The following CDK13 variants were observed in gnomAD, a reference collection of about 807,000 sequenced individuals.
The protein encoded by CDK13 is cyclin-dependent kinase 13.
CDK13 carries 40 observed loss-of-function variants against 137.6 expected under a neutral mutation model. That is an observed-to-expected ratio of 0.29 (90% CI 0.23 to 0.38). CDK13 has a LOEUF of 0.38. Among genes scored for constraint, CDK13 ranks in the 10% least tolerant of loss-of-function variants. CDK13 has a pLI of 1.00. For synonymous variants in CDK13, 869 were observed against 760.1 expected, an observed-to-expected ratio of 1.14 and a Z score of -2.36; for missense variants, 1,704 against 1,951.8, an observed-to-expected ratio of 0.87 and a Z score of 2.39.
intron 1 of CDK13, among the ~76,000 whole-genome samples, chr7:39,979,506 A>G (rs1784180368): frequency 6.6e-6 from 1 of 152,046 alleles, no homozygotes; most frequent in South Asian, 2.1e-4. Flanking sequence ...CTGAGCCACC[A>G]CACGTGGCCA....
intron 7 of CDK13, chr7:40,059,321 A>C (rs1786089126): frequency 6.6e-6 from 1 of 152,536 alleles, no homozygotes; most frequent in African/African-American, 2.4e-5. Flanking sequence ...CCTGCCCTCC[A>C]TCTCTGGAAT....
chr7:39,977,150 C>T (rs981035239), intron 1 of CDK13, among the ~76,000 whole-genome samples: 5 of 152,008 alleles, frequency 3.3e-5, no homozygotes, highest in Non-Finnish European at 5.9e-5. Flanking sequence ...ATGGATAAGC[C>T]TTGAATAGAA....
At chr7:40,005,611 AT>A (rs1784783060) in intron 5 of CDK13, among the ~76,000 whole-genome samples, 2 of 152,112 alleles carry the variant, frequency 1.3e-5, no homozygotes, top group Non-Finnish European at 2.9e-5. Context: ...GTGAAATTTT[AT>A]TGCGTCTTAA....
intron 1 of CDK13, among the ~76,000 whole-genome samples, chr7:39,969,384 C>T (rs1403174176): frequency 2.6e-5 from 4 of 152,206 alleles, no homozygotes; most frequent in Non-Finnish European, 4.4e-5. Flanking sequence ...ACCTTTAGAA[C>T]TGAGATCACT....
intron 10 of CDK13, 110 bp from the exon 11 acceptor site, chr7:40,078,610 A>G: frequency 2.0e-6 from 1 of 506,868 alleles, no homozygotes; most frequent in South Asian, 6.7e-5. Context: ...TTATTTTTAA[A>G]TGATCTTAGT....
At chr7:40,071,338 A>G (rs866884310) in intron 9 of CDK13, 1 of 152,198 alleles carries the variant, frequency 6.6e-6, no homozygotes, top group African/African-American at 2.4e-5. Context: ...TATAACGTCT[A>G]TAGTTTCTAA....
chr7:39,979,156 C>A (rs1784169844), intron 1 of CDK13, among the ~76,000 whole-genome samples: 1 of 151,260 alleles, frequency 6.6e-6, no homozygotes, highest in Non-Finnish European at 1.5e-5. Context: ...ATGGAGCAGA[C>A]ACAGACTAGT....
chr7:40,074,653 T>G (rs1260744320), intron 9 of CDK13, among the ~76,000 whole-genome samples: 1 of 151,820 alleles, frequency 6.6e-6, no homozygotes, highest in Non-Finnish European at 1.5e-5. Flanking sequence ...GGCTAGGAGT[T>G]TGAGGCCAGC....
intron 5 of CDK13, among the ~76,000 whole-genome samples, chr7:40,014,389 T>G (rs1784960643): frequency 6.6e-6 from 1 of 151,486 alleles, no homozygotes; most frequent in South Asian, 2.1e-4. Context: ...TTAATACACA[T>G]TTTTTAATTT....
chr7:40,031,344 A>G (rs1785373611), intron 5 of CDK13, among the ~76,000 whole-genome samples: 1 of 152,110 alleles, frequency 6.6e-6, no homozygotes, highest in Admixed American at 6.5e-5. Flanking sequence ...CAACATGGTG[A>G]AACCTGGTCA....
chr7:40,003,153 TACACACACACACACACAC>T lies in CDK13; in HGVS notation c.2353+1159_2353+1176del, dbSNP rs71560157. 7.1e-3 allele frequency among the ~76,000 whole-genome samples: 848 copies of T among 119,966 alleles called. 4 individuals carry two copies. Among genetic ancestry groups the T allele is most frequent in the Non-Finnish European group, 9.2e-3 (554 of 60,110 alleles). 78.7% of individuals were successfully genotyped at this position (119,966 alleles called of 152,430 possible). ...TACTTAGACTCCTGTCTTCCCCAGC[TACACACACACACACACAC>T]ACACACACACACACACACACACACA... On this transcript the variant is annotated intron_variant, in intron 5 of 13. Transcript: ENST00000181839.
At chr7:40,021,800 A>T (rs867694375) in intron 5 of CDK13, among the ~76,000 whole-genome samples, 1 of 151,822 alleles carries the variant, frequency 6.6e-6, no homozygotes, top group Non-Finnish European at 1.5e-5. Flanking sequence ...AATTTTTGTC[A>T]TGCACTAAAT....
chr7:40,014,454 T>C lies in CDK13; in HGVS notation c.2353+12423T>C, dbSNP rs59131279. On this transcript the variant is annotated intron_variant, in intron 5 of 13. Coordinates refer to ENST00000181839, the MANE Select transcript of CDK13 (RefSeq NM_003718.5). ...AGAGGCCATGTGTATTTCTCTCTCT[T>C]TTTTTTTTTTTTTTTTTGAGATGGC... Among the ~76,000 whole-genome samples the C allele has an allele frequency of 7.3e-3, 632 of 86,516 alleles. 2 individuals carry two copies. Among genetic ancestry groups the C allele is most frequent in the Middle Eastern group, 0.027 (5 of 182 alleles). 56.8% of individuals were successfully genotyped at this position (86,516 alleles called of 152,430 possible).
chr7:39,963,583 G>T (rs546372809), intron 1 of CDK13, among the ~76,000 whole-genome samples: 1 of 152,198 alleles, frequency 6.6e-6, no homozygotes, highest in Non-Finnish European at 1.5e-5. Flanking sequence ...GGGACAATTT[G>T]ACTTTCTCTT....
chr7:39,987,458 A>G (rs945742227), intron 1 of CDK13, 141 bp from the exon 2 acceptor site: 5 of 746,236 alleles, frequency 6.7e-6, no homozygotes, highest in Non-Finnish European at 1.0e-5. Context: ...AGAAATTTTT[A>G]TTTTTCAAAA....
chr7:40,092,099 C>T (rs1244784767), intron 12 of CDK13: 1 of 139,758 alleles, frequency 7.2e-6, no homozygotes, highest in African/African-American at 2.6e-5. Flanking sequence ...TCCTAACTTA[C>T]CCAAAGTTAC....
intron 1 of CDK13, 30 bp downstream of exon 1, chr7:39,951,882 C>T: frequency 1.5e-6 from 2 of 1,334,544 alleles, no homozygotes; most frequent in East Asian, 2.8e-5. Context: ...CTGTGTGTGC[C>T]TTGGCTGCGC....
chr7:40,047,741 T>A (rs1785781572), intron 6 of CDK13, 80 bp from the exon 7 acceptor site: 2 of 966,766 alleles, frequency 2.1e-6, no homozygotes, highest in Non-Finnish European at 3.4e-6. Context: ...TTTAATCAGT[T>A]CTAGGCATAG....
In CDK13 at chr7:40,008,252, AAGTTT is replaced by A. The variant is rs376563039; in HGVS notation, c.2353+6226_2353+6230del. Among the ~76,000 whole-genome samples, 7 of 152,318 alleles carry A rather than the reference AAGTTT, an allele frequency of 4.6e-5. No individual in the cohort carries two copies. In the East Asian group the frequency reaches 1.4e-3, roughly 29 times the overall value. ...GTTAATTAGTATTACATAAAATCAA[AAGTTT>A]AGTTCTTTAACTGCACTATTCATGT... On this transcript the variant is annotated intron_variant, in intron 5 of 13. Transcript: ENST00000181839.
Sources: gnomAD v4.1 joint callset for allele counts (sites outside exome capture counted in the v4.1 genomes callset) on GRCh38, gnomAD v4.1.1 for gene constraint, MANE v1.5 for transcripts, NCBI Gene and HGNC (gene_info 2026-07-23, HGNC 2026-07-21) for gene names.